Variants in CHD3 observed in about 807,000 individuals in gnomAD.
CHD3 encodes the protein chromodomain helicase DNA binding protein 3.
A neutral mutation model predicts 248.9 loss-of-function variants in CHD3; 52 were observed. That is an observed-to-expected ratio of 0.21 (90% CI 0.17 to 0.26). The LOEUF (loss-of-function observed/expected upper bound fraction) is 0.26. Ranked by LOEUF, CHD3 falls within the 10% of genes least tolerant of loss-of-function variation. CHD3 has a pLI of 1.00. For missense variants in CHD3, 1,482 were observed against 2,605.8 expected, an observed-to-expected ratio of 0.57 and a Z score of 9.39; for synonymous variants, 985 against 985.2, an observed-to-expected ratio of 1.00 and a Z score of 0.00.
In CHD3 at chr17:7,899,974, A is replaced by G; in HGVS notation, c.2623A>G (p.Ile875Val). The change falls in exon 16 of 40, where the codon ATC becomes GTC. Residue 875 changes from isoleucine to valine, a missense_variant. Transcript: ENST00000330494. This position sits in a 1 kb window ranked among gnomAD's most constrained non-coding sequence, Gnocchi z 6.8. ...ITIDQAALGS[I>V]RWACLVVDEA... ...CATTGATCAGGCAGCACTTGGTTCC[A>G]TCCGCTGGGCCTGTCTTGTGGTAGA... The G allele has an allele frequency of 6.2e-7, 1 of 1,614,150 alleles. No homozygotes were observed. The highest frequency in any genetic ancestry group is 8.5e-7 in the Non-Finnish European group (1 of 1,180,020).
Position 7,890,924 on chromosome 17 carries a change from A to G in CHD3, c.385-16A>G, listed in dbSNP as rs1968759563. ...GCTGGAGGAGCACCTACTTCACCAA[A>G]GCCCCTCTCCCGCAGCAAGTGGAAC... On this transcript the variant is annotated splice_polypyrimidine_tract_variant and intron_variant, in intron 3 of 39. Coordinates refer to ENST00000330494, the MANE Select transcript of CHD3 (RefSeq NM_001005273.3). The G allele has an allele frequency of 1.2e-6, 2 of 1,613,744 alleles. No individual in the cohort carries two copies. The highest frequency in any genetic ancestry group is 2.7e-5 in the African/African-American group (2 of 74,858).
chr17:7,902,469 A>T (rs1255072654), intron 20 of CHD3, 141 bp from the exon 21 acceptor site: 1 of 499,500 alleles, frequency 2.0e-6, no homozygotes, highest in South Asian at 4.7e-5. Flanking sequence ...TGTGACAAGA[A>T]GGTGGAATAA....
Position 7,906,065 on chromosome 17 carries a change from C to T in CHD3, c.4358+76C>T. On this transcript the variant is annotated intron_variant, in intron 28 of 39. Coordinates refer to ENST00000330494, the MANE Select transcript of CHD3 (RefSeq NM_001005273.3). This position sits in a 1 kb window ranked among gnomAD's most constrained non-coding sequence, Gnocchi z 5.0. The stretch of plus-strand genomic sequence containing the variant: ...GGTGTTCCTTTCTTCCTTGGGGCCG[C>T]CATATGATGTGACCTTACTCAACTG... 1 of 1,583,082 alleles carries T rather than the reference C, an allele frequency of 6.3e-7. No homozygotes were observed. The highest frequency in any genetic ancestry group is 8.6e-7 in the Non-Finnish European group (1 of 1,156,766).
At position 7,905,365 on chromosome 17, in the gene CHD3, A is replaced by C; in HGVS notation, c.4138+200A>C. ...GTGTGTGACCACATAGGCTAGATCC[A>C]GAAAGGCCATATCATTTTCCATTCC... On this transcript the variant is annotated intron_variant, in intron 26 of 39. Transcript: ENST00000330494. This position sits in a 1 kb window ranked among gnomAD's most constrained non-coding sequence, Gnocchi z 5.8. The C allele has an allele frequency of 8.0e-6, 5 of 623,948 alleles. No homozygotes were observed. The allele number at this position is 623,948 out of a possible 1,614,324, so 38.7% of individuals were successfully genotyped here. A position where few individuals can be genotyped will look rare whatever the true frequency, so the allele number is the denominator to read the frequency against.
rs2151665043 is a variant in CHD3, at chr17:7,909,091, T to C, written c.5395-52T>C. 2 of 1,547,652 alleles carry C rather than the reference T, an allele frequency of 1.3e-6. No individual in the cohort carries two copies. Among genetic ancestry groups the C allele is most frequent in the East Asian group, 4.9e-5 (2 of 40,902 alleles). On this transcript the variant is annotated intron_variant, in intron 36 of 39. Transcript: ENST00000330494. The surrounding 1 kb of genome is among the most constrained non-coding windows in gnomAD (Gnocchi z 8.1). ...TTGCTATGTCCGCCCCCCCAGCCCC[T>C]CACCCACTGCTGGCAGAGCCCTACC...
In CHD3 at chr17:7,893,608, C is replaced by T. The variant is rs557661825; in HGVS notation, c.793+39C>T. 5.8e-6 allele frequency: 9 copies of T among 1,539,880 alleles called. No homozygotes were observed. In the South Asian group the frequency reaches 1.0e-4, roughly 17 times the overall value. On this transcript the variant is annotated intron_variant, in intron 5 of 39. Coordinates refer to ENST00000330494, the MANE Select transcript of CHD3 (RefSeq NM_001005273.3). ...TTCCAACAACTGTCATCTCACCTTC[C>T]AAACTGCATGTCTTCACATTAGAGT...
chr17:7,895,280 TA>T lies in CHD3; in HGVS notation c.1504-57del. 1.3e-6 allele frequency: 2 copies of T among 1,598,190 alleles called. No homozygotes were observed. Among genetic ancestry groups the T allele is most frequent in the Non-Finnish European group, 1.7e-6 (2 of 1,169,300 alleles). On this transcript the variant is annotated intron_variant, in intron 9 of 39. Transcript: ENST00000330494. The surrounding 1 kb of genome is among the most constrained non-coding windows in gnomAD (Gnocchi z 4.9). The stretch of plus-strand genomic sequence containing the variant: ...CTTGTGGGACCCCTATCTTCTCATC[TA>T]ACAATGGGTTCTTTCTGCCTCTTTC...
Position 7,908,590 on chromosome 17 carries a change from A to G in CHD3, c.5261+80A>G. On this transcript the variant is annotated intron_variant, in intron 35 of 39. Transcript: ENST00000330494. The surrounding 1 kb of genome is among the most constrained non-coding windows in gnomAD (Gnocchi z 5.8). ...AAAAAAGATGATTTCACACCCAGGG[A>G]CAGGGCTAGTGCCACACTTTGGGGA... 2 of 1,585,052 alleles carry G rather than the reference A, an allele frequency of 1.3e-6. No individual in the cohort carries two copies. Among genetic ancestry groups the G allele is most frequent in the Admixed American group, 3.4e-5 (2 of 59,340 alleles).
intron 4 of CHD3, among the ~76,000 whole-genome samples, chr17:7,891,776 G>A (rs895193190): frequency 1.3e-5 from 2 of 151,722 alleles, no homozygotes; most frequent in Non-Finnish European, 2.9e-5. Context: ...CAGGAGAATC[G>A]CTTGAACCCG....
rs749147376 is a variant in CHD3 at position 7,907,621 on chromosome 17, G to C, written c.4945G>C (p.Glu1649Gln). Residue 1649 changes from glutamate to glutamine, a missense_variant, in exon 33 of 40, where the codon GAA becomes CAA. Glu to Gln is a conservative substitution (Grantham distance 29). Transcript: ENST00000330494. This position sits in a 1 kb window ranked among gnomAD's most constrained non-coding sequence, Gnocchi z 4.3. ...EKSATESTPG[E>Q]RGEEKPLDGQ... ...CACAGCCACAGAGTCGACGCCAGGA[G>C]AAAGGGGGGAGGAGAAGCCGTTGGA... is the stretch of plus-strand genomic sequence containing the variant. The C allele has an allele frequency of 4.6e-6, 7 of 1,519,744 alleles. No homozygotes were observed. The East Asian group carries it at 1.2e-4, about 25-fold the overall frequency. 94.1% of individuals were successfully genotyped at this position (1,519,744 alleles called of 1,614,324 possible). A position where few individuals can be genotyped will look rare whatever the true frequency, so the allele number is the denominator to read the frequency against.
upstream of CHD3, among the ~76,000 whole-genome samples, chr17:7,887,059 AC>A (rs1462443848): frequency 6.6e-6 from 1 of 151,838 alleles, no homozygotes; most frequent in Admixed American, 6.6e-5. Flanking sequence ...ACCCAGATAC[AC>A]CCCCTCAGAT....
intron 4 of CHD3, among the ~76,000 whole-genome samples, chr17:7,892,596 A>G (rs1222456134): frequency 6.7e-6 from 1 of 149,072 alleles, no homozygotes; most frequent in Non-Finnish European, 1.5e-5. Flanking sequence ...TCCCAGGTTC[A>G]AGCAATTTTT....
upstream of CHD3, chr17:7,888,720 G>A: frequency 1.2e-6 from 1 of 848,814 alleles, no homozygotes; most frequent in Non-Finnish European, 1.6e-6. Flanking sequence ...GAGTGTGTGT[G>A]GGTGTGGGTG....
chr17:7,894,388 T>C, intron 7 of CHD3, 27 bp from the exon 8 acceptor site: 7 of 1,597,142 alleles, frequency 4.4e-6, no homozygotes, highest in Non-Finnish European at 6.0e-6. Flanking sequence ...CCCTGCTTCC[T>C]TATCCCTCCA....
chr17:7,904,998 G>C lies in CHD3; in HGVS notation c.4073-102G>C, dbSNP rs755840598. ...CCAGAAGGACCAAGGCCAGAATAAA[G>C]GTAGACAAGTCTCGGCAGGGAGGAA... On this transcript the variant is annotated intron_variant, in intron 25 of 39. Transcript: ENST00000330494. The surrounding 1 kb of genome is among the most constrained non-coding windows in gnomAD (Gnocchi z 4.4). The C allele has an allele frequency of 1.6e-5, 17 of 1,082,772 alleles. No individual in the cohort carries two copies. Among genetic ancestry groups the C allele is most frequent in the East Asian group, 4.7e-5 (2 of 42,164 alleles). 67.1% of individuals were successfully genotyped at this position (1,082,772 alleles called of 1,614,324 possible).
At chr17:7,896,145 G>A (rs1351014843) in intron 10 of CHD3, among the ~76,000 whole-genome samples, 1 of 149,788 alleles carries the variant, frequency 6.7e-6, no homozygotes, top group East Asian at 2.0e-4. Flanking sequence ...GGAGAATGGC[G>A]TGAACCCGGG....
At chr17:7,888,384 T>G (rs1333226301), upstream of CHD3, among the ~76,000 whole-genome samples, 1 of 152,200 alleles carries the variant, frequency 6.6e-6, no homozygotes, top group African/African-American at 2.4e-5. Flanking sequence ...TTGTGTGTCC[T>G]AGAGCTAGGG....
At position 7,910,826 on chromosome 17, in the gene CHD3, TC is replaced by T; in HGVS notation, c.5755-20del. On this transcript the variant is annotated intron_variant, in intron 38 of 39. Coordinates refer to ENST00000330494, the MANE Select transcript of CHD3 (RefSeq NM_001005273.3). This position sits in a 1 kb window ranked among gnomAD's most constrained non-coding sequence, Gnocchi z 4.7. ...CACAGACTATGAACTAACTCCAACT[TC>T]TGCTTCCTCTCTGTTCCAGGCCTAC... is the stretch of plus-strand genomic sequence containing the variant. The T allele has an allele frequency of 1.3e-6, 2 of 1,584,260 alleles. No homozygotes were observed. The highest frequency in any genetic ancestry group is 1.7e-6 in the Non-Finnish European group (2 of 1,169,432).
chr17:7,884,879 G>A (rs1967499547), upstream of CHD3: 2 of 1,328,538 alleles, frequency 1.5e-6, no homozygotes, highest in African/African-American at 1.5e-5. Context: ...AGAAGAGGAG[G>A]AAGAAGAGGG....
Sources: allele counts gnomAD v4.1 joint callset (sites outside exome capture counted in the v4.1 genomes callset), GRCh38; gene constraint gnomAD v4.1.1; non-coding constraint Gnocchi (gnomAD v3.1); transcripts MANE v1.5; gene names NCBI Gene and HGNC (gene_info 2026-07-23, HGNC 2026-07-21).